Variants in TRDMT1 observed in about 807,000 individuals in gnomAD.
TRDMT1 encodes tRNA aspartic acid methyltransferase 1, also known as tRNA (cytosine(38)-C(5))-methyltransferase.
A neutral mutation model predicts 51.2 loss-of-function variants in TRDMT1; 49 were observed. That is an observed-to-expected ratio of 0.96 (90% CI 0.76 to 1.21). The LOEUF is 1.21. TRDMT1 is among the 50% of genes most tolerant of loss of function. The pLI is 0.00. For synonymous variants in TRDMT1, 187 were observed against 164.6 expected (o/e 1.14, Z -1.04); for missense variants, 534 against 462.3 (o/e 1.16, Z -1.42).
At chr10:17,193,335 C>G (rs1052411636) in intron 1 of TRDMT1, among the ~76,000 whole-genome samples, 35 of 152,010 alleles carry the variant, frequency 2.3e-4, no homozygotes, top group Middle Eastern at 3.4e-3. Flanking sequence ...TGCACTCCAC[C>G]CTGGGTGACA....
rs576989410 is a variant in TRDMT1, at chr10:17,164,061, A to T, written c.252-1824T>A. Among the ~76,000 whole-genome samples the T allele has an allele frequency of 8.3e-4, 126 of 152,280 alleles. 4 individuals are homozygous for T. The South Asian group carries it at 0.025, about 31-fold the overall frequency. On this transcript the variant is annotated intron_variant, in intron 3 of 10. Transcript: ENST00000377799. ...GATACCAAAGCCTGGCAGAGACACA[A>T]CAAAAAAAGAGAATTTTAGACCAAT...
chr10:17,189,813 T>C (rs1279783034), intron 1 of TRDMT1, among the ~76,000 whole-genome samples: 1 of 152,200 alleles, frequency 6.6e-6, no homozygotes, highest in Non-Finnish European at 1.5e-5. Flanking sequence ...AAAATTCAAC[T>C]CTAATGAAGG....
At chr10:17,187,319 A>T (rs1300042922) in intron 1 of TRDMT1, among the ~76,000 whole-genome samples, 1 of 152,224 alleles carries the variant, frequency 6.6e-6, no homozygotes, top group Non-Finnish European at 1.5e-5. Flanking sequence ...GTAATCAAAA[A>T]TTAAGATAAC....
intron 1 of TRDMT1, among the ~76,000 whole-genome samples, chr10:17,185,432 G>A (rs1251900282): frequency 6.6e-6 from 1 of 152,182 alleles, no homozygotes; most frequent in Non-Finnish European, 1.5e-5. Flanking sequence ...AGGTGCTGGA[G>A]AGGATGTGGA....
At position 17,145,382 on chromosome 10, in the gene TRDMT1, G is replaced by A; in HGVS notation, c.*3658C>T. ...TGCTTGCTAAGAAGCTGATATGATA[G>A]TTGTATATAGCACATTTGAATGGTA... is the stretch of plus-strand genomic sequence containing the variant. On this transcript the variant is annotated 3_prime_UTR_variant, in exon 11 of 11. Coordinates refer to ENST00000377799, the MANE Select transcript of TRDMT1 (RefSeq NM_004412.7). The A allele has an allele frequency of 1.0e-6, 1 of 985,424 alleles. No individual in the cohort carries two copies. The highest frequency in any genetic ancestry group is 1.2e-6 in the Non-Finnish European group (1 of 829,952). 61.0% of individuals were successfully genotyped at this position (985,424 alleles called of 1,614,324 possible). A position where few individuals can be genotyped will look rare whatever the true frequency, so the allele number is the denominator to read the frequency against.
intron 1 of TRDMT1, among the ~76,000 whole-genome samples, chr10:17,186,338 A>C (rs906201942): frequency 3.9e-5 from 6 of 152,154 alleles, no homozygotes; most frequent in Non-Finnish European, 7.4e-5. Context: ...TGAGGAGATT[A>C]TCCTGAATTA....
intron 2 of TRDMT1, chr10:17,169,601 C>T (rs1282349901): frequency 9.3e-7 from 1 of 1,075,582 alleles, no homozygotes; most frequent in Non-Finnish European, 1.3e-6. Context: ...TCACATTAAG[C>T]ACTCTCAGTG....
rs780750563 is a variant in TRDMT1, at chr10:17,160,380, A to G, written c.390-6T>C. On this transcript the variant is annotated splice_region_variant and splice_polypyrimidine_tract_variant and intron_variant, in intron 5 of 10. Transcript: ENST00000377799. Reference sequence around the variant, plus strand: ...TTGTTTGTATCAAGAGGTCTCTAAAAAGAAAAAAAAAAAACTTTAATTCTT... The same window carrying G: ...TTGTTTGTATCAAGAGGTCTCTAAAGAGAAAAAAAAAAAACTTTAATTCTT... The G allele has an allele frequency of 9.9e-6, 15 of 1,511,830 alleles. No homozygotes were observed. In the East Asian group the frequency reaches 1.2e-4, roughly 12 times the overall value. The allele number at this position is 1,511,830 out of a possible 1,614,324, so 93.7% of individuals were successfully genotyped here.
chr10:17,162,287 T>G, intron 3 of TRDMT1, 50 bp from the exon 4 acceptor site: 1 of 1,497,096 alleles, frequency 6.7e-7, no homozygotes, highest in African/African-American at 1.4e-5. Context: ...GAAAGTTTAT[T>G]AAGAATCTGA....
At position 17,145,623 on chromosome 10, in the gene TRDMT1, T is replaced by C. The variant is rs1176035957; in HGVS notation, c.*3417A>G. ...GGCCAAATTATGACAAGGTAACCTG[T>C]TCATAACATAAGCAATTCAGGAAAA... On this transcript the variant is annotated 3_prime_UTR_variant, in exon 11 of 11. Coordinates refer to ENST00000377799, the MANE Select transcript of TRDMT1 (RefSeq NM_004412.7). The C allele has an allele frequency of 2.0e-6, 2 of 985,332 alleles. No individual in the cohort carries two copies. The highest frequency in any genetic ancestry group is 1.2e-6 in the Non-Finnish European group (1 of 829,942). The allele number at this position is 985,332 out of a possible 1,614,324, so 61.0% of individuals were successfully genotyped here.
chr10:17,185,777 A>AC (rs1356202810), intron 1 of TRDMT1, among the ~76,000 whole-genome samples: 4 of 152,054 alleles, frequency 2.6e-5, no homozygotes, highest in Non-Finnish European at 5.9e-5. Flanking sequence ...GAAGCTGGAA[A>AC]CCATCAATCT....
At chr10:17,155,641 A>T (rs1033054734) in intron 8 of TRDMT1, among the ~76,000 whole-genome samples, 1 of 152,216 alleles carries the variant, frequency 6.6e-6, no homozygotes, top group African/African-American at 2.4e-5. Flanking sequence ...CAGAAATGCA[A>T]GTCATTAGCA....
intron 1 of TRDMT1, among the ~76,000 whole-genome samples, chr10:17,189,726 ATATGC>A (rs1229505820): frequency 1.3e-5 from 2 of 152,186 alleles, no homozygotes; most frequent in African/African-American, 4.8e-5. Flanking sequence ...ATTTAAAATC[ATATGC>A]TAACATATGA....
chr10:17,172,263 C>A (rs1357867269), intron 2 of TRDMT1, among the ~76,000 whole-genome samples: 1 of 152,154 alleles, frequency 6.6e-6, no homozygotes, highest in Non-Finnish European at 1.5e-5. Flanking sequence ...GAAATTATTA[C>A]AGACCTTAAG....
intron 10 of TRDMT1, chr10:17,151,310 T>A: frequency 2.0e-6 from 2 of 985,188 alleles, no homozygotes; most frequent in Non-Finnish European, 2.4e-6. Context: ...CAAAGAAACA[T>A]GGGATGAACA....
intron 1 of TRDMT1, among the ~76,000 whole-genome samples, chr10:17,197,947 T>A (rs1158623280): frequency 6.6e-6 from 1 of 151,614 alleles, no homozygotes. Flanking sequence ...GGCAGGAAGA[T>A]CGCTTGAACC....
chr10:17,155,386 A>G (rs1434772193), intron 8 of TRDMT1, among the ~76,000 whole-genome samples: 1 of 152,182 alleles, frequency 6.6e-6, no homozygotes, highest in Non-Finnish European at 1.5e-5. Context: ...ATATAATTCA[A>G]TATTGGCTCC....
intron 8 of TRDMT1, among the ~76,000 whole-genome samples, chr10:17,155,709 C>G (rs1414070437): frequency 6.6e-6 from 1 of 152,012 alleles, no homozygotes; most frequent in Admixed American, 6.6e-5. Context: ...AGCATTATTT[C>G]TTTTTCACAA....
Position 17,162,188 on chromosome 10 carries a change from G to A in TRDMT1, c.301C>T (p.His101Tyr), listed in dbSNP as rs11254413. ...MTDSRTNSFL[H>Y]ILDILPRLQK... ...TACCTTGGGAGAATATCTAGAATAT[G>A]TAAGAAGCTATTCGTCCTTGAATCA... The change falls in exon 4 of 11, where the codon CAT becomes TAT. Residue 101 changes from histidine (H) to tyrosine (Y), a missense_variant. By Grantham distance (83) the His-to-Tyr change is moderately conservative. Transcript: ENST00000377799. The A allele has an allele frequency of 0.44, 712,077 of 1,604,150 alleles. 160,429 individuals are homozygous for A. The highest frequency in any genetic ancestry group is 0.47 in the Non-Finnish European group (547,221 of 1,174,906).
Sources: gnomAD v4.1 joint callset for allele counts (sites outside exome capture counted in the v4.1 genomes callset) on GRCh38, gnomAD v4.1.1 for gene constraint, MANE v1.5 for transcripts, NCBI Gene and HGNC (gene_info 2026-07-23, HGNC 2026-07-21) for gene names.